Variants in PLPP3 observed in about 807,000 individuals in gnomAD.
PLPP3 encodes PAP2 beta.
PLPP3 carries 6 observed loss-of-function variants against 29.6 expected under a neutral mutation model. That is an observed-to-expected ratio of 0.20 (90% confidence interval 0.11 to 0.40). The LOEUF (loss-of-function observed/expected upper bound fraction) is 0.40. Among genes scored for constraint, PLPP3 ranks in the 10% least tolerant of loss-of-function variants. PLPP3 has a pLI of 1.00. For synonymous variants in PLPP3, 152 were observed against 159.7 expected (o/e 0.95, Z 0.36); for missense variants, 308 against 407.7 (o/e 0.76, Z 2.11).
chr1:56,514,303 G>T lies in PLPP3; in HGVS notation c.634-2151C>A, dbSNP rs527835767. ...TGAATGAGTATTTGCTGGGTTTAAG[G>T]GGGCAGGAGTGGGGGATATATATTC... On this transcript the variant is annotated intron_variant, in intron 4 of 5. Coordinates refer to ENST00000371250, the MANE Select transcript of PLPP3 (RefSeq NM_003713.5). 4.6e-5 allele frequency among the ~76,000 whole-genome samples: 7 copies of T among 151,932 alleles called. No homozygotes were observed. In the East Asian group the frequency reaches 1.4e-3, roughly 30 times the overall value.
At chr1:56,571,615 TTATTA>T (rs562583973) in intron 1 of PLPP3, among the ~76,000 whole-genome samples, 303 of 152,324 alleles carry the variant, frequency 2.0e-3, no homozygotes, top group Non-Finnish European at 3.7e-3. Context: ...GGTATTCTCT[TTATTA>T]TGTCTACAGA....
At chr1:56,577,550 A>G (rs1646244394) in intron 1 of PLPP3, among the ~76,000 whole-genome samples, 1 of 152,168 alleles carries the variant, frequency 6.6e-6, no homozygotes, top group African/African-American at 2.4e-5. Flanking sequence ...GCACAGTAAG[A>G]GCAGTGCTAC....
At chr1:56,545,469 C>A (rs369792818) in intron 1 of PLPP3, among the ~76,000 whole-genome samples, 14 of 152,148 alleles carry the variant, frequency 9.2e-5, no homozygotes, top group Non-Finnish European at 1.6e-4. Flanking sequence ...ACTTCCCATA[C>A]GCAATCTAAT....
At chr1:56,498,726 C>T (rs1041684307) in intron 5 of PLPP3, among the ~76,000 whole-genome samples, 1 of 152,044 alleles carries the variant, frequency 6.6e-6, no homozygotes, top group Admixed American at 6.5e-5. Flanking sequence ...CCCTGCCACC[C>T]AGGTTCAAGG....
chr1:56,557,010 G>GAAA (rs1235067963), intron 1 of PLPP3, among the ~76,000 whole-genome samples: 3 of 10,746 alleles, frequency 2.8e-4, no homozygotes, highest in African/African-American at 7.0e-4. Flanking sequence ...AAGAAAGAAA[G>GAAA]AGAGAGAGAG....
At position 56,495,391 on chromosome 1, in the gene PLPP3, C is replaced by T. The variant is rs1013778491; in HGVS notation, c.*1160G>A. ...ATAGAGGATGAGGGAAACTCTCTAC[C>T]GAGATTTAACCCATATGTTCTGCCC... On this transcript the variant is annotated 3_prime_UTR_variant, in exon 6 of 6. Transcript: ENST00000371250. The T allele has an allele frequency of 6.6e-6, 1 of 152,628 alleles. No individual in the cohort carries two copies. The highest frequency in any genetic ancestry group is 1.5e-5 in the Non-Finnish European group (1 of 68,038). The allele number at this position is 152,628 out of a possible 1,614,324, so 9.5% of individuals were successfully genotyped here. A position where few individuals can be genotyped will look rare whatever the true frequency, so the allele number is the denominator to read the frequency against.
intron 2 of PLPP3, among the ~76,000 whole-genome samples, chr1:56,529,904 C>T (rs1254211747): frequency 6.6e-6 from 1 of 152,090 alleles, no homozygotes; most frequent in East Asian, 1.9e-4. Context: ...AGAGGGGCTA[C>T]AGAAGTTATT....
Position 56,579,078 on chromosome 1 carries a change from C to T in PLPP3, c.-62G>A. 6.4e-7 allele frequency: 1 copy of T among 1,557,948 alleles called. No homozygotes were observed. Among genetic ancestry groups the T allele is most frequent in the Non-Finnish European group, 8.6e-7 (1 of 1,160,532 alleles). ...GACGTCCCGCAACAGCAGCCACACA[C>T]CCAGGCGCCCGGGTCGCCTCCTGGC... On this transcript the variant is annotated 5_prime_UTR_variant, in exon 1 of 6. It adds an upstream start codon to the 5' untranslated region. Transcript: ENST00000371250.
intron 5 of PLPP3, among the ~76,000 whole-genome samples, chr1:56,503,888 T>G (rs1645684682): frequency 1.3e-5 from 2 of 152,148 alleles, no homozygotes; most frequent in African/African-American, 2.4e-5. Flanking sequence ...CAAGTATTCT[T>G]GTGCCTCAGC....
At chr1:56,508,789 C>A (rs747019878) in intron 5 of PLPP3, among the ~76,000 whole-genome samples, 3 of 152,156 alleles carry the variant, frequency 2.0e-5, no homozygotes, top group Non-Finnish European at 4.4e-5. Flanking sequence ...TTCCCTCTCC[C>A]AGGCACCTGG....
chr1:56,533,236 G>A (rs2100261673), intron 2 of PLPP3, among the ~76,000 whole-genome samples: 1 of 152,148 alleles, frequency 6.6e-6, no homozygotes, highest in East Asian at 1.9e-4. Context: ...TATACTTTTA[G>A]TAGAGACAGG....
In PLPP3 at chr1:56,525,617, T is replaced by A. The variant is rs148772568; in HGVS notation, c.298-1063A>T. On this transcript the variant is annotated intron_variant, in intron 2 of 5. Coordinates refer to ENST00000371250, the MANE Select transcript of PLPP3 (RefSeq NM_003713.5). ...CTATGATGTGCACAACCACACACCC[T>A]GCTGCCTTTGTCTTAACTCCACAGC... 3.4e-3 allele frequency among the ~76,000 whole-genome samples: 512 copies of A among 152,222 alleles called. 1 individual carries two copies. The highest frequency in any genetic ancestry group is 0.012 in the African/African-American group (490 of 41,562).
chr1:56,515,755 G>A (rs1194265607), intron 4 of PLPP3, among the ~76,000 whole-genome samples: 1 of 152,158 alleles, frequency 6.6e-6, no homozygotes, highest in African/African-American at 2.4e-5. Flanking sequence ...AGGGGATTTT[G>A]GGGAAAGCAG....
At chr1:56,567,075 C>G (rs906244699) in intron 1 of PLPP3, among the ~76,000 whole-genome samples, 38 of 152,160 alleles carry the variant, frequency 2.5e-4, no homozygotes, top group African/African-American at 6.8e-4. Context: ...TCAAAGTACT[C>G]TGAAGATCCA....
At chr1:56,559,672 C>T (rs899320872) in intron 1 of PLPP3, among the ~76,000 whole-genome samples, 2 of 151,718 alleles carry the variant, frequency 1.3e-5, no homozygotes, top group Non-Finnish European at 2.9e-5. Context: ...GCAAAATAAC[C>T]AAATCCATTG....
chr1:56,577,714 A>C (rs1380847317), intron 1 of PLPP3, among the ~76,000 whole-genome samples: 1 of 152,206 alleles, frequency 6.6e-6, no homozygotes, highest in East Asian at 1.9e-4. Context: ...ATGTTTCTTC[A>C]GTTAGCAGAG....
Position 56,557,543 on chromosome 1 carries a change from T to C in PLPP3, c.140-20431A>G, listed in dbSNP as rs116911657. ...AACCTGGCATACAGTAGGCAGTTGA[T>C]ACACGTATAATTAAGTGGGTGAATG... is the stretch of plus-strand genomic sequence containing the variant. On this transcript the variant is annotated intron_variant, in intron 1 of 5. Coordinates refer to ENST00000371250, the MANE Select transcript of PLPP3 (RefSeq NM_003713.5). Among the ~76,000 whole-genome samples the C allele has an allele frequency of 1.1e-3, 168 of 152,326 alleles. 3 individuals carry two copies. The East Asian group carries it at 0.027, about 24-fold the overall frequency.
At chr1:56,560,011 AAAC>A (rs1646110464) in intron 1 of PLPP3, among the ~76,000 whole-genome samples, 1 of 152,212 alleles carries the variant, frequency 6.6e-6, no homozygotes, top group African/African-American at 2.4e-5. Context: ...TTGCCTGTCC[AAAC>A]AACCGTGATG....
chr1:56,549,083 C>T (rs112929575), intron 1 of PLPP3, among the ~76,000 whole-genome samples: 3 of 152,118 alleles, frequency 2.0e-5, no homozygotes, highest in Non-Finnish European at 2.9e-5. Context: ...AAAAAGGAAG[C>T]GAACTGGCAG....
Sources: allele counts gnomAD v4.1 joint callset (sites outside exome capture counted in the v4.1 genomes callset), GRCh38; gene constraint gnomAD v4.1.1; transcripts MANE v1.5; gene names NCBI Gene and HGNC (gene_info 2026-07-23, HGNC 2026-07-21).